The following MLF1 variants were observed in gnomAD, a reference collection of about 807,000 sequenced individuals.
The protein encoded by MLF1 is myelodysplasia-myeloid leukemia factor 1.
Under a neutral mutation model 38.3 loss-of-function variants are expected in MLF1, and 37 were observed. The ratio of observed to expected loss-of-function variants is 0.96; its 90% CI spans 0.74 to 1.27. The LOEUF is 1.27. Among genes scored for constraint, MLF1 ranks in the 50% most tolerant of loss-of-function variants. The pLI is 0.00. For synonymous variants in MLF1, 95 were observed against 106.5 expected, an observed-to-expected ratio of 0.89 and a Z score of 0.66; for missense variants, 331 against 349.2, an observed-to-expected ratio of 0.95 and a Z score of 0.42.
chr3:158,600,167 A>T lies in MLF1; in HGVS notation c.607A>T (p.Asn203Tyr). Residue 203 changes from asparagine to tyrosine, a missense_variant, in exon 6 of 8, where the codon AAT becomes TAT. Physicochemically the swap from Asn to Tyr is moderately radical, Grantham distance 143. Coordinates refer to ENST00000466246, the MANE Select transcript of MLF1 (RefSeq NM_001369783.1). ...GGTCAACCAGGAGTTCATCAATATG[A>T]ATGAAAGTAAGTTATCACAAAAAAA... ...EEVNQEFINM[N>Y]ESDAHAFDEE... 7.0e-7 allele frequency: 1 copy of T among 1,427,534 alleles called. No individual in the cohort carries two copies. Among genetic ancestry groups the T allele is most frequent in the Non-Finnish European group, 9.2e-7 (1 of 1,086,244 alleles). The allele number at this position is 1,427,534 out of a possible 1,614,324, so 88.4% of individuals were successfully genotyped here.
chr3:158,581,645 T>G (rs954719785), intron 1 of MLF1, among the ~76,000 whole-genome samples: 1 of 152,162 alleles, frequency 6.6e-6, no homozygotes, highest in Non-Finnish European at 1.5e-5. Flanking sequence ...CCAGTAAATA[T>G]GTACTACTTT....
chr3:158,597,983 T>C, intron 4 of MLF1, 97 bp from the exon 5 acceptor site: 1 of 1,267,240 alleles, frequency 7.9e-7, no homozygotes, highest in East Asian at 2.3e-5. Flanking sequence ...TTAGTATCCT[T>C]AGTAGAACTT....
At position 158,593,403 on chromosome 3, in the gene MLF1, C is replaced by A. The variant is rs536929456; in HGVS notation, c.217C>A (p.Pro73Thr). Residue 73 changes from proline (P) to threonine (T), a missense_variant, in exon 3 of 8, where the codon CCT becomes ACT. Transcript: ENST00000466246. ...SLTATSCSLVPFGDFGGMHTD... is the reference protein window; with the variant it reads ...SLTATSCSLVTFGDFGGMHTD... ...CCAGGCAACGAGTTGTTCTCTTGTG[C>A]CTTTTGGCGATTTTGGTGGTATGGT... is the stretch of plus-strand genomic sequence containing the variant. The A allele has an allele frequency of 1.3e-6, 2 of 1,560,672 alleles. No homozygotes were observed. Among genetic ancestry groups the A allele is most frequent in the South Asian group, 1.2e-5 (1 of 85,152 alleles).
intron 5 of MLF1, among the ~76,000 whole-genome samples, chr3:158,598,597 G>T (rs968085716): frequency 2.0e-4 from 30 of 152,242 alleles, no homozygotes; most frequent in African/African-American, 6.5e-4. Flanking sequence ...TATTTCAAGT[G>T]TACAGAAAGG....
At chr3:158,582,465 T>C (rs1245689385) in intron 1 of MLF1, among the ~76,000 whole-genome samples, 1 of 152,030 alleles carries the variant, frequency 6.6e-6, no homozygotes, top group Non-Finnish European at 1.5e-5. Context: ...ATTAATGTCA[T>C]ACACCAAACC....
chr3:158,588,015 T>G (rs548760361), intron 1 of MLF1, among the ~76,000 whole-genome samples: 1 of 151,920 alleles, frequency 6.6e-6, no homozygotes, highest in African/African-American at 2.4e-5. Context: ...ATAAATAAAT[T>G]AATTAAATTA....
intron 1 of MLF1, among the ~76,000 whole-genome samples, chr3:158,591,769 T>C (rs571582879): frequency 1.8e-4 from 28 of 152,320 alleles, no homozygotes; most frequent in African/African-American, 6.5e-4. Context: ...TTAGGTTCTT[T>C]AATGAGACTT....
intron 5 of MLF1, 97 bp from the exon 6 acceptor site, chr3:158,599,917 G>A (rs914731716): frequency 5.8e-5 from 26 of 449,212 alleles, no homozygotes; most frequent in Non-Finnish European, 9.1e-5. Context: ...TATTTTTAGA[G>A]CAATAGATCT....
rs533515415 is a variant in MLF1 at position 158,597,774 on chromosome 3, T to G, written c.325-306T>G. On this transcript the variant is annotated intron_variant, in intron 4 of 7. Coordinates refer to ENST00000466246, the MANE Select transcript of MLF1 (RefSeq NM_001369783.1). ...GGGGCATAGCATCTTTATTGAAATC[T>G]AAGCCACGAGCACCCAAAGACTTAA... Among the ~76,000 whole-genome samples the G allele has an allele frequency of 4.6e-5, 7 of 152,286 alleles. No homozygotes were observed. In the South Asian group the frequency reaches 1.4e-3, roughly 32 times the overall value.
intron 1 of MLF1, among the ~76,000 whole-genome samples, chr3:158,583,801 C>G (rs1475032603): frequency 6.6e-6 from 1 of 152,038 alleles, no homozygotes; most frequent in Non-Finnish European, 1.5e-5. Flanking sequence ...GCTATGCTAA[C>G]CAAACAGAAG....
At chr3:158,575,903 G>A (rs369261221) in intron 1 of MLF1, among the ~76,000 whole-genome samples, 3 of 151,848 alleles carry the variant, frequency 2.0e-5, no homozygotes, top group Non-Finnish European at 1.5e-5. Flanking sequence ...ATAAGCAAAC[G>A]CTACTGATTT....
rs780898631 is a variant in MLF1 at position 158,592,415 on chromosome 3, TTATG to T, written c.48-15_48-12del. ...AACTCCAACACTGAATCTTTCATGA[TTATG>T]TATATTTTCAACAGTGAGTCCATTC... On this transcript the variant is annotated splice_polypyrimidine_tract_variant and intron_variant, in intron 1 of 7. Transcript: ENST00000466246. 11 of 1,590,260 alleles carry T rather than the reference TTATG, an allele frequency of 6.9e-6. No homozygotes were observed. The highest frequency in any genetic ancestry group is 9.4e-6 in the Non-Finnish European group (11 of 1,171,874).
Position 158,602,843 on chromosome 3 carries a change from A to G in MLF1, c.650A>G (p.Glu217Gly), listed in dbSNP as rs778298450. Residue 217 changes from glutamate to glycine, a missense_variant, in exon 7 of 8, where the codon GAG becomes GGG. Glu to Gly is a moderately conservative substitution (Grantham distance 98). Coordinates refer to ENST00000466246, the MANE Select transcript of MLF1 (RefSeq NM_001369783.1). ...GCTTTTGATGAGGAGTGGCAAAGTG[A>G]GGTTTTGAAGTACAAACCAGGACGA... ...AHAFDEEWQS[E>G]VLKYKPGRHN... 6.2e-7 allele frequency: 1 copy of G among 1,613,732 alleles called. No homozygotes were observed. The highest frequency in any genetic ancestry group is 8.5e-7 in the Non-Finnish European group (1 of 1,179,794).
chr3:158,582,624 A>C, intron 1 of MLF1: 1 of 357,606 alleles, frequency 2.8e-6, no homozygotes, highest in Non-Finnish European at 5.0e-6. Flanking sequence ...GTAGAAGAGC[A>C]AAGAAAATAA....
intron 1 of MLF1, among the ~76,000 whole-genome samples, chr3:158,587,378 G>C (rs943610367): frequency 3.7e-4 from 57 of 152,314 alleles, no homozygotes; most frequent in African/African-American, 1.3e-3. Context: ...ACAGAGACCA[G>C]AGCGTAGGTA....
chr3:158,581,511 T>C (rs1358411794), intron 1 of MLF1, among the ~76,000 whole-genome samples: 1 of 152,124 alleles, frequency 6.6e-6, no homozygotes, highest in African/African-American at 2.4e-5. Context: ...ACTGGTGAAG[T>C]TTACAACCCA....
intron 6 of MLF1, among the ~76,000 whole-genome samples, chr3:158,600,762 CAGT>C (rs10575844): frequency 0.91 from 136,992 of 150,970 alleles, 62,414 homozygotes; most frequent in East Asian, 1. Context: ...CTGTACTGTT[CAGT>C]AGTACTTAGG....
At position 158,605,264 on chromosome 3, in the gene MLF1, A is replaced by T. The variant is rs1720375567; in HGVS notation, c.*62A>T. 7.6e-7 allele frequency: 1 copy of T among 1,308,498 alleles called. No individual in the cohort carries two copies. The highest frequency in any genetic ancestry group is 1.1e-6 in the Non-Finnish European group (1 of 926,770). The allele number at this position is 1,308,498 out of a possible 1,614,324, so 81.1% of individuals were successfully genotyped here. On this transcript the variant is annotated 3_prime_UTR_variant, in exon 8 of 8. Coordinates refer to ENST00000466246, the MANE Select transcript of MLF1 (RefSeq NM_001369783.1). ...TTAACAGTTAGTAATGGTGCTGGGT[A>T]ATAAGCATAAGACCAATCTCTTGCT...
At chr3:158,593,586 G>C (rs1352741148) in intron 3 of MLF1, among the ~76,000 whole-genome samples, 160 bp downstream of exon 3, 1 of 152,056 alleles carries the variant, frequency 6.6e-6, no homozygotes, top group Non-Finnish European at 1.5e-5. Flanking sequence ...ACTTACCTTA[G>C]AAAGTTTAGG....
Sources: allele counts gnomAD v4.1 joint callset (sites outside exome capture counted in the v4.1 genomes callset), GRCh38; gene constraint gnomAD v4.1.1; transcripts MANE v1.5; gene names NCBI Gene and HGNC (gene_info 2026-07-23, HGNC 2026-07-21).